Variants in ZZZ3 observed in about 807,000 individuals in gnomAD.
The protein encoded by ZZZ3 is ZZ-type zinc finger-containing protein 3.
Under a neutral mutation model 95.2 loss-of-function variants are expected in ZZZ3, and 22 were observed. The observed-to-expected ratio is 0.23, with a 90% confidence interval of 0.17 to 0.33. The LOEUF is 0.33. Among genes scored for constraint, ZZZ3 ranks in the 10% least tolerant of loss-of-function variants. The pLI is 1.00. For missense variants in ZZZ3, 885 were observed against 1,066.5 expected (o/e 0.83, Z 2.37); for synonymous variants, 335 against 358.9 (o/e 0.93, Z 0.75).
At chr1:77,657,915 A>G (rs1670419325) in intron 1 of ZZZ3, among the ~76,000 whole-genome samples, 1 of 128,722 alleles carries the variant, frequency 7.8e-6, no homozygotes, top group Non-Finnish European at 1.7e-5. Context: ...GCGGTGGCTC[A>G]TGCCTGTAAT....
intron 1 of ZZZ3, among the ~76,000 whole-genome samples, chr1:77,648,963 C>T (rs1669554217): frequency 6.6e-6 from 1 of 151,974 alleles, no homozygotes; most frequent in Admixed American, 6.6e-5. Context: ...CCCATATCTA[C>T]TAAAAATACA....
At position 77,663,198 on chromosome 1, in the gene ZZZ3, G is replaced by A. The variant is rs1476305220; in HGVS notation, c.-403+19387C>T. Among the ~76,000 whole-genome samples the A allele has an allele frequency of 2.6e-5, 4 of 152,050 alleles. No individual in the cohort carries two copies. The South Asian group carries it at 6.2e-4, about 24-fold the overall frequency. On this transcript the variant is annotated intron_variant, in intron 1 of 14. Coordinates refer to ENST00000370801, the MANE Select transcript of ZZZ3 (RefSeq NM_015534.6). ...AAATCAAATGCAATGTATGATCTTC[G>A]ATTTTAAAAAGCTATAAAAATAATT...
intron 4 of ZZZ3, among the ~76,000 whole-genome samples, chr1:77,637,380 T>C (rs1668397554): frequency 6.6e-6 from 1 of 152,208 alleles, no homozygotes; most frequent in Non-Finnish European, 1.5e-5. Flanking sequence ...AAAATTTTGC[T>C]AATCTTCCCT....
chr1:77,637,621 A>C (rs192393879), intron 4 of ZZZ3, among the ~76,000 whole-genome samples: 31 of 152,318 alleles, frequency 2.0e-4, no homozygotes, highest in African/African-American at 6.5e-4. Context: ...TGAGCCCAGG[A>C]GTTTGAGAAC....
intron 1 of ZZZ3, among the ~76,000 whole-genome samples, chr1:77,672,636 G>A (rs138006187): frequency 3.0e-3 from 464 of 152,314 alleles, no homozygotes; most frequent in Non-Finnish European, 5.0e-3. Flanking sequence ...CGATTATGAT[G>A]AATGATAAAT....
intron 1 of ZZZ3, among the ~76,000 whole-genome samples, chr1:77,670,259 A>AT (rs5775413): frequency 1.7e-3 from 247 of 145,516 alleles, no homozygotes; most frequent in Middle Eastern, 3.5e-3. Context: ...ACAACATGCA[A>AT]TTTTTTTTTT....
intron 5 of ZZZ3, among the ~76,000 whole-genome samples, chr1:77,611,436 C>T (rs1368384586): frequency 6.6e-6 from 1 of 151,670 alleles, no homozygotes; most frequent in African/African-American, 2.4e-5. Flanking sequence ...TAATGCAATC[C>T]CTATCAAAAT....
intron 1 of ZZZ3, among the ~76,000 whole-genome samples, chr1:77,656,834 G>A (rs1483593214): frequency 6.6e-6 from 1 of 152,152 alleles, no homozygotes; most frequent in East Asian, 1.9e-4. Flanking sequence ...TCATAAAGTT[G>A]CCATGAGCAC....
chr1:77,622,100 A>C (rs1030598825), intron 5 of ZZZ3, among the ~76,000 whole-genome samples: 5 of 150,380 alleles, frequency 3.3e-5, no homozygotes, highest in African/African-American at 1.2e-4. Context: ...AGGAGTTCAA[A>C]ACTAGCCTGG....
At chr1:77,609,527 T>C (rs975059637) in intron 5 of ZZZ3, among the ~76,000 whole-genome samples, 16 of 152,140 alleles carry the variant, frequency 1.1e-4, no homozygotes, top group Admixed American at 2.6e-4. Context: ...ATCTGCACTA[T>C]AGACCGACCA....
chr1:77,601,074 C>A (rs1664684674), intron 5 of ZZZ3, among the ~76,000 whole-genome samples: 1 of 152,050 alleles, frequency 6.6e-6, no homozygotes, highest in South Asian at 2.1e-4. Context: ...TTGTGATAAT[C>A]CAAGAGAAAG....
Position 77,681,465 on chromosome 1 carries a change from C to T in ZZZ3, c.-403+1120G>A, listed in dbSNP as rs1038925793. Among the ~76,000 whole-genome samples the T allele has an allele frequency of 6.6e-5, 10 of 152,280 alleles. No homozygotes were observed. The South Asian group carries it at 1.9e-3, about 28-fold the overall frequency. On this transcript the variant is annotated intron_variant, in intron 1 of 14. Coordinates refer to ENST00000370801, the MANE Select transcript of ZZZ3 (RefSeq NM_015534.6). Reference sequence around the variant, plus strand: ...AAGAATACGAAAAAACAAAGGTATACTGTAAATTCACTTCTGAGACATTAG... The same window carrying T: ...AAGAATACGAAAAAACAAAGGTATATTGTAAATTCACTTCTGAGACATTAG...
chr1:77,566,721 T>C (rs1660866214), intron 13 of ZZZ3, among the ~76,000 whole-genome samples: 2 of 152,188 alleles, frequency 1.3e-5, no homozygotes, highest in Admixed American at 6.5e-5. Flanking sequence ...TTATCTCTTA[T>C]TGAATCGCTC....
At chr1:77,578,056 T>G (rs998769507) in intron 11 of ZZZ3, among the ~76,000 whole-genome samples, 4 of 152,092 alleles carry the variant, frequency 2.6e-5, no homozygotes, top group African/African-American at 9.7e-5. Context: ...ACTTAGCAGC[T>G]AAGCAACTAG....
intron 1 of ZZZ3, among the ~76,000 whole-genome samples, chr1:77,655,156 C>G (rs1445274818): frequency 6.6e-6 from 1 of 152,084 alleles, no homozygotes; most frequent in Non-Finnish European, 1.5e-5. Flanking sequence ...CATGATAACC[C>G]ATTAATCCAT....
chr1:77,619,576 T>G (rs1666650312), intron 5 of ZZZ3, among the ~76,000 whole-genome samples: 1 of 152,194 alleles, frequency 6.6e-6, no homozygotes, highest in African/African-American at 2.4e-5. Flanking sequence ...GTATTTACAA[T>G]CATATAAAAC....
chr1:77,631,890 A>G lies in ZZZ3; in HGVS notation c.1465T>C (p.Tyr489His). 1 of 1,610,490 alleles carries G rather than the reference A, an allele frequency of 6.2e-7. No individual in the cohort carries two copies. The highest frequency in any genetic ancestry group is 8.5e-7 in the Non-Finnish European group (1 of 1,178,190). Residue 489 changes from tyrosine to histidine, a missense_variant, in exon 5 of 15, where the codon TAC becomes CAC. By Grantham distance (83) the Tyr-to-His change is moderately conservative. Around this residue, in one of 5 missense-constraint regions of ZZZ3, gnomAD observed 556 missense variants for 652.9 expected, o/e 0.85. Transcript: ENST00000370801. The stretch of plus-strand genomic sequence containing the variant: ...AGTGCCACATGATCTGATTCAAAGT[A>G]ATAAACATCAGGATCATCATCTTCC... ...EEEDDDPDVYYFESDHVALKH... is the reference protein window; with the variant it reads ...EEEDDDPDVYHFESDHVALKH...
intron 1 of ZZZ3, among the ~76,000 whole-genome samples, chr1:77,662,315 C>CT (rs1409203626): frequency 4.0e-5 from 6 of 150,760 alleles, no homozygotes; most frequent in East Asian, 2.0e-4. Context: ...CCCAGCCTGG[C>CT]TTTTTTTTTG....
At chr1:77,572,028 A>T (rs1661439512) in intron 12 of ZZZ3, among the ~76,000 whole-genome samples, 1 of 152,200 alleles carries the variant, frequency 6.6e-6, no homozygotes, top group South Asian at 2.1e-4. Flanking sequence ...TATCAAATGG[A>T]GCTAAAACTG....
Sources: gnomAD v4.1 joint callset for allele counts (sites outside exome capture counted in the v4.1 genomes callset) on GRCh38, gnomAD v4.1.1 for gene constraint, gnomAD v4.1.1 regional missense constraint, MANE v1.5 for transcripts, NCBI Gene and HGNC (gene_info 2026-07-23, HGNC 2026-07-21) for gene names.